The following PPP6R2 variants were observed in gnomAD, a reference collection of about 807,000 sequenced individuals.
PPP6R2 encodes serine/threonine-protein phosphatase 6 regulatory subunit 2.
Under a neutral mutation model 100.2 loss-of-function variants are expected in PPP6R2, and 62 were observed. That is an observed-to-expected ratio of 0.62 (90% CI 0.50 to 0.76). The LOEUF is 0.76. PPP6R2 is among the 30% of genes least tolerant of loss of function. The pLI is 0.00. For missense variants in PPP6R2, 1,142 were observed against 1,276.3 expected, an observed-to-expected ratio of 0.89 and a Z score of 1.60; for synonymous variants, 525 against 514.7, an observed-to-expected ratio of 1.02 and a Z score of -0.27.
chr22:50,350,383 A>T (rs1173483090), intron 1 of PPP6R2, among the ~76,000 whole-genome samples: 1 of 150,542 alleles, frequency 6.6e-6, no homozygotes, highest in Admixed American at 6.6e-5. Context: ...GGCGCCCACC[A>T]CCATGCCTGG....
At chr22:50,406,280 G>A (rs1377614745) in intron 3 of PPP6R2, among the ~76,000 whole-genome samples, 1 of 146,090 alleles carries the variant, frequency 6.8e-6, no homozygotes, top group Non-Finnish European at 1.5e-5. Flanking sequence ...CTAGAGGGAG[G>A]TGAGAGGCCT....
At chr22:50,371,080 T>G (rs1379207818) in intron 1 of PPP6R2, among the ~76,000 whole-genome samples, 1 of 152,198 alleles carries the variant, frequency 6.6e-6, no homozygotes, top group Non-Finnish European at 1.5e-5. Context: ...ACAAATTTTA[T>G]TTTCTGAAGG....
intron 1 of PPP6R2, among the ~76,000 whole-genome samples, chr22:50,355,040 G>C (rs1000723568): frequency 6.6e-6 from 1 of 151,342 alleles, no homozygotes; most frequent in Non-Finnish European, 1.5e-5. Context: ...ACAGGGCCTT[G>C]CTCTATTGCC....
In PPP6R2 at chr22:50,404,599, GT is replaced by G. The variant is rs57447654; in HGVS notation, c.228-2072del. Among the ~76,000 whole-genome samples the G allele has an allele frequency of 2.6e-3, 313 of 120,142 alleles. 1 individual carries two copies. Among genetic ancestry groups the G allele is most frequent in the South Asian group, 0.021 (77 of 3,748 alleles). 78.8% of individuals were successfully genotyped at this position (120,142 alleles called of 152,430 possible). ...CCTGGCTAATTTTTCTTTCTTTCTT[GT>G]TTTTTTTTTTTTTTTTTGGAGAGAC... is the stretch of plus-strand genomic sequence containing the variant. On this transcript the variant is annotated intron_variant, in intron 3 of 23. Transcript: ENST00000612753.
At chr22:50,404,963 C>T (rs2058620009) in intron 3 of PPP6R2, among the ~76,000 whole-genome samples, 1 of 152,274 alleles carries the variant, frequency 6.6e-6, no homozygotes, top group Middle Eastern at 3.4e-3. Flanking sequence ...TCTCCTGGGG[C>T]GATGGCTGTC....
intron 1 of PPP6R2, among the ~76,000 whole-genome samples, chr22:50,369,604 C>T (rs1435643346): frequency 1.3e-5 from 2 of 152,074 alleles, no homozygotes; most frequent in Non-Finnish European, 2.9e-5. Context: ...ACCTCTGCCT[C>T]CAGGGTTCAA....
Position 50,437,620 on chromosome 22 carries a change from C to T in PPP6R2, c.1781+17C>T, listed in dbSNP as rs754154536. ...CAACATCAAGTGAGTCTACTTGGAGCGCACTCTGCACGAGGCGCGGCTCTC... is the reference window on the plus strand; with the variant it reads ...CAACATCAAGTGAGTCTACTTGGAGTGCACTCTGCACGAGGCGCGGCTCTC... On this transcript the variant is annotated intron_variant, in intron 16 of 23. Coordinates refer to ENST00000612753, the MANE Select transcript of PPP6R2 (RefSeq NM_001242898.2). The T allele has an allele frequency of 1.6e-5, 25 of 1,579,206 alleles. No individual in the cohort carries two copies. The highest frequency in any genetic ancestry group is 1.0e-4 in the Admixed American group (6 of 59,938).
In PPP6R2 at chr22:50,423,631, G is replaced by C. The variant is rs1255885789; in HGVS notation, c.1125+17G>C. ...TTACTGCTGGTAAGTGGGCCCCTCA[G>C]CCAGCCCTGCATGTCTGTGAGTGTG... On this transcript the variant is annotated intron_variant, in intron 10 of 23. Transcript: ENST00000612753. The surrounding 1 kb of genome is among the most constrained non-coding windows in gnomAD (Gnocchi z 4.8). 6.2e-7 allele frequency: 1 copy of C among 1,613,764 alleles called. No individual in the cohort carries two copies. Among genetic ancestry groups the C allele is most frequent in the Non-Finnish European group, 8.5e-7 (1 of 1,179,922 alleles).
chr22:50,339,003 ATGTGGTGTGTGGTGTGTGTG>A (rs2042336938), upstream of PPP6R2, among the ~76,000 whole-genome samples: 2 of 55,482 alleles, frequency 3.6e-5, no homozygotes, highest in Admixed American at 2.2e-4. Flanking sequence ...TATGTGTGGT[ATGTGGTGTGTGGTGTGTGTG>A]TGTGGTGTGT....
intron 5 of PPP6R2, 89 bp downstream of exon 5, chr22:50,414,778 G>C (rs549171327): frequency 6.9e-7 from 1 of 1,439,446 alleles, no homozygotes; most frequent in Admixed American, 2.2e-5. Flanking sequence ...GCACCAGGGC[G>C]CCCGGCCCCC....
chr22:50,419,575 A>C, intron 8 of PPP6R2, 113 bp downstream of exon 8: 1 of 734,304 alleles, frequency 1.4e-6, no homozygotes, highest in Non-Finnish European at 2.3e-6. Flanking sequence ...TTGATTATGC[A>C]AGTAACAACA....
intron 2 of PPP6R2, among the ~76,000 whole-genome samples, chr22:50,374,651 C>T (rs1432572496): frequency 6.6e-6 from 1 of 152,116 alleles, no homozygotes; most frequent in Non-Finnish European, 1.5e-5. Flanking sequence ...TGCAGTAGTT[C>T]ACGCCTGTAA....
chr22:50,421,705 G>A (rs1356389464), intron 8 of PPP6R2, among the ~76,000 whole-genome samples: 3 of 152,068 alleles, frequency 2.0e-5, no homozygotes, highest in Non-Finnish European at 2.9e-5. Flanking sequence ...GAGGTCAGGT[G>A]ATCGAGACCA....
chr22:50,415,877 G>C (rs1003122989), intron 5 of PPP6R2, among the ~76,000 whole-genome samples: 1 of 152,230 alleles, frequency 6.6e-6, no homozygotes, highest in Non-Finnish European at 1.5e-5. Context: ...AGGACAGAGG[G>C]ATGGTGGTCA....
At chr22:50,349,850 T>G (rs1602035421) in intron 1 of PPP6R2, among the ~76,000 whole-genome samples, 1 of 141,166 alleles carries the variant, frequency 7.1e-6, no homozygotes, top group African/African-American at 2.7e-5. Context: ...CAGCTGGGTG[T>G]GGTGGCCCAC....
chr22:50,432,683 C>T (rs896053501), intron 12 of PPP6R2, among the ~76,000 whole-genome samples: 4 of 152,244 alleles, frequency 2.6e-5, no homozygotes, highest in Non-Finnish European at 5.9e-5. Flanking sequence ...CACACAGGGA[C>T]GCGTTATTTT....
intron 2 of PPP6R2, among the ~76,000 whole-genome samples, chr22:50,378,358 A>C (rs750921362): frequency 6.6e-6 from 1 of 152,176 alleles, no homozygotes; most frequent in Non-Finnish European, 1.5e-5. Flanking sequence ...AGGCTGAGGC[A>C]GGTGGATCAC....
chr22:50,370,078 A>G (rs1484750317), intron 1 of PPP6R2, among the ~76,000 whole-genome samples: 1 of 152,048 alleles, frequency 6.6e-6, no homozygotes, highest in African/African-American at 2.4e-5. Flanking sequence ...ATGTAAAAAT[A>G]TGCAAAAGTA....
At chr22:50,376,086 A>G (rs926613332) in intron 2 of PPP6R2, among the ~76,000 whole-genome samples, 5 of 151,582 alleles carry the variant, frequency 3.3e-5, no homozygotes. Flanking sequence ...GCCTGCAGAT[A>G]TTTTTTAAAG....
Sources: gnomAD v4.1 joint callset for allele counts (sites outside exome capture counted in the v4.1 genomes callset) on GRCh38, gnomAD v4.1.1 for gene constraint, Gnocchi (gnomAD v3.1) non-coding constraint, MANE v1.5 for transcripts, NCBI Gene and HGNC (gene_info 2026-07-23, HGNC 2026-07-21) for gene names.